FGD4: variants seen among roughly 807,000 people sequenced by gnomAD.
FGD4 encodes the protein FYVE, RhoGEF and PH domain containing 4.
In FGD4, 42 loss-of-function variants were observed where a neutral mutation model predicts 102.0. That is an observed-to-expected ratio of 0.41 (90% confidence interval 0.32 to 0.53). FGD4 has a LOEUF of 0.53. FGD4 is among the 20% of genes least tolerant of loss of function. The pLI, the probability that FGD4 is intolerant of heterozygous loss-of-function variation, is 0.21. For missense variants in FGD4, 902 were observed against 1,078.2 expected (o/e 0.84, Z 2.29); for synonymous variants, 380 against 375.7 (o/e 1.01, Z -0.13).
chr12:32,419,918 C>T (rs1291059443), intron 1 of FGD4, among the ~76,000 whole-genome samples: 2 of 152,160 alleles, frequency 1.3e-5, no homozygotes, highest in Non-Finnish European at 2.9e-5. Context: ...AAAATCTGCA[C>T]GTGTGGCCAC....
chr12:32,491,471 A>G (rs1173429998), intron 1 of FGD4, among the ~76,000 whole-genome samples: 1 of 152,226 alleles, frequency 6.6e-6, no homozygotes, highest in Non-Finnish European at 1.5e-5. Context: ...ATTGTATGAC[A>G]TGGTACCAGG....
At chr12:32,526,372 G>A (rs1741518665) in intron 1 of FGD4, among the ~76,000 whole-genome samples, 1 of 152,208 alleles carries the variant, frequency 6.6e-6, no homozygotes, top group African/African-American at 2.4e-5. Flanking sequence ...CCTGAGTTTA[G>A]CTCAAGGTTT....
intron 12 of FGD4, 68 bp downstream of exon 12, chr12:32,624,520 C>A (rs913750719): frequency 3.0e-6 from 4 of 1,314,362 alleles, no homozygotes; most frequent in Non-Finnish European, 4.3e-6. Flanking sequence ...CTCACCCAGT[C>A]TGGAGTGCAG....
chr12:32,497,353 T>C (rs1350023493), intron 1 of FGD4, among the ~76,000 whole-genome samples: 1 of 152,124 alleles, frequency 6.6e-6, no homozygotes, highest in Non-Finnish European at 1.5e-5. Context: ...TAAATCACTT[T>C]CATGAAACGA....
intron 1 of FGD4, among the ~76,000 whole-genome samples, chr12:32,493,687 CTG>C (rs1410733798): frequency 6.6e-6 from 1 of 152,212 alleles, no homozygotes; most frequent in Non-Finnish European, 1.5e-5. Context: ...ATGCCAGACA[CTG>C]GAGATTTCTT....
intron 1 of FGD4, among the ~76,000 whole-genome samples, chr12:32,548,415 C>T (rs550328395): frequency 3.1e-4 from 46 of 147,852 alleles, no homozygotes; most frequent in Admixed American, 8.7e-4. Flanking sequence ...TCTTATGATA[C>T]TTGTCTCAAT....
intron 1 of FGD4, among the ~76,000 whole-genome samples, chr12:32,559,596 T>C (rs1380409235): frequency 1.3e-5 from 2 of 152,244 alleles, no homozygotes; most frequent in East Asian, 3.8e-4. Flanking sequence ...ATCATGACTT[T>C]GATGAACTTA....
chr12:32,486,188 A>G, intron 1 of FGD4: 1 of 1,514,420 alleles, frequency 6.6e-7, no homozygotes, highest in Non-Finnish European at 8.8e-7. Context: ...ATCTCAGGTT[A>G]AAACATTTGG....
rs563463238 is a variant in FGD4 at position 32,456,037 on chromosome 12, G to A, written c.166+56078G>A. Among the ~76,000 whole-genome samples the A allele has an allele frequency of 2.0e-5, 3 of 152,236 alleles. No homozygotes were observed. The East Asian group carries it at 5.8e-4, about 29-fold the overall frequency. The stretch of plus-strand genomic sequence containing the variant: ...TCTCCATCCAACCTTCTCAGCTGTT[G>A]TGTAAAACCCTGCAAGCATTACTGT... On this transcript the variant is annotated intron_variant, in intron 1 of 16. Coordinates refer to ENST00000534526, the MANE Select transcript of FGD4 (RefSeq NM_001370298.3).
In FGD4 at chr12:32,619,810, A is replaced by G. The variant is rs771030779; in HGVS notation, c.1862A>G (p.Glu621Gly). 1 of 1,614,082 alleles carries G rather than the reference A, an allele frequency of 6.2e-7. No homozygotes were observed. Among genetic ancestry groups the G allele is most frequent in the Non-Finnish European group, 8.5e-7 (1 of 1,180,038 alleles). The change falls in exon 11 of 17, where the codon GAA becomes GGA. Residue 621 changes from glutamate to glycine, a missense_variant. Physicochemically the swap from Glu to Gly is moderately conservative, Grantham distance 98 (BLOSUM62 -2). Transcript: ENST00000534526. Reference protein sequence around the residue: ...DGMKIVETQNEEYPHTFQVSG... With the variant: ...DGMKIVETQNGEYPHTFQVSG... ...ATGAAAATTGTAGAGACTCAAAATG[A>G]AGAATATCCACATACTTTCCAGGTG...
intron 1 of FGD4, among the ~76,000 whole-genome samples, chr12:32,467,416 T>G (rs1943288317): frequency 6.6e-6 from 1 of 152,168 alleles, no homozygotes; most frequent in Non-Finnish European, 1.5e-5. Flanking sequence ...CTGCTAACTC[T>G]TCAGAAGAAT....
intron 2 of FGD4, among the ~76,000 whole-genome samples, chr12:32,564,973 C>T (rs1375045106): frequency 6.6e-6 from 1 of 152,078 alleles, no homozygotes; most frequent in Middle Eastern, 3.2e-3. Context: ...AGCTAAGCTA[C>T]CCTACAGTTT....
chr12:32,603,731 T>C (rs2136674974), intron 7 of FGD4, among the ~76,000 whole-genome samples: 1 of 151,702 alleles, frequency 6.6e-6, no homozygotes, highest in Non-Finnish European at 1.5e-5. Context: ...AGACAGGGTC[T>C]TGCTCTTGTC....
intron 5 of FGD4, among the ~76,000 whole-genome samples, chr12:32,600,752 A>G (rs1345202640): frequency 2.0e-5 from 3 of 152,054 alleles, no homozygotes. Flanking sequence ...TTGGCCAGTT[A>G]TTATGCACTT....
chr12:32,493,252 T>C lies in FGD4; in HGVS notation c.167-70885T>C, dbSNP rs540019738. On this transcript the variant is annotated intron_variant, in intron 1 of 16. Coordinates refer to ENST00000534526, the MANE Select transcript of FGD4 (RefSeq NM_001370298.3). ...GTTTTCTTTTCCTTAGTTTTTTAAA[T>C]GTTTCACCTGATTTCCAGTTTTGCT... 1.2e-3 allele frequency among the ~76,000 whole-genome samples: 182 copies of C among 152,354 alleles called. 1 individual carries two copies. Among genetic ancestry groups the C allele is most frequent in the South Asian group, 2.5e-3 (12 of 4,828 alleles).
At position 32,602,204 on chromosome 12, in the gene FGD4, C is replaced by G; in HGVS notation, c.1291C>G (p.Pro431Ala). The G allele has an allele frequency of 6.2e-7, 1 of 1,614,006 alleles. No homozygotes were observed. Among genetic ancestry groups the G allele is most frequent in the East Asian group, 2.2e-5 (1 of 44,858 alleles). ...RIGDILQKLA[P>A]FLKMYGEYVK... Reference sequence around the variant, plus strand: ...TGGAGACATCCTTCAGAAATTGGCACCATTCCTTAAGATGTATGGAGAATA... The same window carrying G: ...TGGAGACATCCTTCAGAAATTGGCAGCATTCCTTAAGATGTATGGAGAATA... The change falls in exon 7 of 17, where the codon CCA becomes GCA. Residue 431 changes from proline (P) to alanine (A), a missense_variant. Pro to Ala is a conservative substitution (Grantham distance 27). Transcript: ENST00000534526.
At chr12:32,453,651 ACTTGC>A (rs1236137218) in intron 1 of FGD4, among the ~76,000 whole-genome samples, 1 of 152,114 alleles carries the variant, frequency 6.6e-6, no homozygotes, top group Non-Finnish European at 1.5e-5. Context: ...AACTTGCCCA[ACTTGC>A]TTAGAAGAAG....
chr12:32,413,029 A>G (rs1318180854), intron 1 of FGD4, among the ~76,000 whole-genome samples: 1 of 148,296 alleles, frequency 6.7e-6, no homozygotes, highest in Admixed American at 6.8e-5. Flanking sequence ...TGGAGCCATA[A>G]TTGCGCCACT....
At chr12:32,549,219 A>G (rs535422137) in intron 1 of FGD4, among the ~76,000 whole-genome samples, 3 of 152,218 alleles carry the variant, frequency 2.0e-5, no homozygotes, top group Non-Finnish European at 4.4e-5. Flanking sequence ...CAGATATTTC[A>G]TACAGAATCC....
Sources: gnomAD v4.1 joint callset for allele counts (sites outside exome capture counted in the v4.1 genomes callset) on GRCh38, gnomAD v4.1.1 for gene constraint, MANE v1.5 for transcripts, NCBI Gene and HGNC (gene_info 2026-07-23, HGNC 2026-07-21) for gene names.